OPRM1: variants seen among roughly 807,000 people sequenced by gnomAD.
The protein encoded by OPRM1 is opioid receptor mu 1, also known as mu-type opioid receptor.
In OPRM1, 27 loss-of-function variants were observed where a neutral mutation model predicts 31.8. That is an observed-to-expected ratio of 0.85 (90% CI 0.63 to 1.17). The LOEUF is 1.17. Ranked by LOEUF, OPRM1 falls within the 50% of genes most tolerant of loss-of-function variation. The pLI is 0.00. For synonymous variants in OPRM1, 196 were observed against 189.9 expected (o/e 1.03, Z -0.26); for missense variants, 536 against 511.1 (o/e 1.05, Z -0.47).
At chr6:154,027,704 T>C (rs867789168) in intron 1 of OPRM1, among the ~76,000 whole-genome samples, 2 of 152,198 alleles carry the variant, frequency 1.3e-5, no homozygotes, top group South Asian at 4.1e-4. Flanking sequence ...ATGCAGTCCT[T>C]CCCACTTTTC....
chr6:154,243,091 T>C (rs891932444), intron 3 of OPRM1, among the ~76,000 whole-genome samples: 2 of 152,122 alleles, frequency 1.3e-5, no homozygotes, highest in Non-Finnish European at 2.9e-5. Context: ...AAACAGCATA[T>C]GCGAAGGCTT....
At chr6:154,225,433 T>C (rs1340524905) in intron 3 of OPRM1, among the ~76,000 whole-genome samples, 4 of 152,166 alleles carry the variant, frequency 2.6e-5, no homozygotes, top group Admixed American at 1.3e-4. Flanking sequence ...AAAGTACTAA[T>C]ACATGCTACG....
intron 1 of OPRM1, among the ~76,000 whole-genome samples, chr6:154,080,341 G>A (rs945708635): frequency 2.0e-5 from 3 of 152,162 alleles, no homozygotes; most frequent in African/African-American, 4.8e-5. Flanking sequence ...TATTTCAGAC[G>A]ATTGCCATGA....
At chr6:154,156,723 GT>G (rs1434589476) in intron 3 of OPRM1, 7 of 152,176 alleles carry the variant, frequency 4.6e-5, no homozygotes, top group African/African-American at 1.7e-4. Flanking sequence ...GATTTGAGCT[GT>G]TGTGGCAAAA....
At chr6:154,037,951 T>C (rs1036248678), upstream of OPRM1, among the ~76,000 whole-genome samples, 1 of 152,150 alleles carries the variant, frequency 6.6e-6, no homozygotes, top group African/African-American at 2.4e-5. Context: ...TATAAGAGAA[T>C]TGTTACATTA....
intron 1 of OPRM1, among the ~76,000 whole-genome samples, chr6:154,058,487 A>G (rs534856548): frequency 6.6e-6 from 1 of 152,232 alleles, no homozygotes; most frequent in Non-Finnish European, 1.5e-5. Flanking sequence ...GTCAGAATGC[A>G]TCAATTATCT....
intron 3 of OPRM1, among the ~76,000 whole-genome samples, chr6:154,210,009 T>A (rs1777838993): frequency 6.6e-6 from 1 of 152,200 alleles, no homozygotes; most frequent in Admixed American, 6.5e-5. Context: ...GCTTCATGAG[T>A]ATCCCTTCAT....
chr6:154,180,185 A>C (rs1198807265), intron 3 of OPRM1, among the ~76,000 whole-genome samples: 1 of 152,086 alleles, frequency 6.6e-6, no homozygotes, highest in Non-Finnish European at 1.5e-5. Context: ...TCCCTGCTTA[A>C]AAGTGTCAGT....
intron 3 of OPRM1, among the ~76,000 whole-genome samples, chr6:154,140,060 T>A (rs1798157173): frequency 6.6e-6 from 1 of 152,104 alleles, no homozygotes; most frequent in South Asian, 2.1e-4. Flanking sequence ...CCTGAAACAT[T>A]GATATGCAAG....
chr6:154,133,014 G>A (rs555648525), downstream of OPRM1, among the ~76,000 whole-genome samples: 9 of 152,044 alleles, frequency 5.9e-5, no homozygotes, highest in South Asian at 1.0e-3. Flanking sequence ...CCAGCTACTC[G>A]GGAGGCTGAG....
At chr6:154,165,052 C>A (rs1562518725) in intron 3 of OPRM1, among the ~76,000 whole-genome samples, 1 of 152,150 alleles carries the variant, frequency 6.6e-6, no homozygotes, top group Non-Finnish European at 1.5e-5. Flanking sequence ...TTCCTTGTTT[C>A]TGCATGAAAC....
Position 154,131,887 on chromosome 6 carries a change from A to G in OPRM1, c.*13166A>G, listed in dbSNP as rs1797913524. ...TGCACAAAAAGGAATGTTAAAAAAA[A>G]ACACACAACATTGTTTTCCTTTTGA... On this transcript the variant is annotated 3_prime_UTR_variant, in exon 4 of 4. Transcript: ENST00000330432. 6.6e-6 allele frequency among the ~76,000 whole-genome samples: 1 copy of G among 151,858 alleles called. No individual in the cohort carries two copies. Among genetic ancestry groups the G allele is most frequent in the East Asian group, 1.9e-4 (1 of 5,196 alleles).
At chr6:154,109,788 CTCTCTGTGTGTGTGTG>C (rs1343380197) in intron 3 of OPRM1, among the ~76,000 whole-genome samples, 38 of 103,916 alleles carry the variant, frequency 3.7e-4, no homozygotes, top group African/African-American at 4.6e-4. Flanking sequence ...CTCTCTCTCT[CTCTCTGTGTGTGTGTG>C]TGTGTGTGTG....
intron 3 of OPRM1, among the ~76,000 whole-genome samples, chr6:154,099,671 A>ATACATATATATATACATATG (rs1794182205): frequency 1.3e-5 from 2 of 150,268 alleles, no homozygotes; most frequent in South Asian, 4.2e-4. Flanking sequence ...ATATACATAT[A>ATACATATATATATACATATG]TACACACATA....
chr6:154,212,761 G>A (rs547006066), intron 3 of OPRM1: 24 of 1,583,268 alleles, frequency 1.5e-5, no homozygotes, highest in South Asian at 1.3e-4. Flanking sequence ...TACTTATGTC[G>A]GTACATACCA....
At chr6:154,239,818 C>A (rs1780436786) in intron 3 of OPRM1, among the ~76,000 whole-genome samples, 1 of 152,200 alleles carries the variant, frequency 6.6e-6, no homozygotes, top group South Asian at 2.1e-4. Flanking sequence ...ATTCTCTTGC[C>A]TCAGTCTCCC....
At chr6:154,144,717 C>T (rs1172704858) in intron 3 of OPRM1, among the ~76,000 whole-genome samples, 2 of 140,910 alleles carry the variant, frequency 1.4e-5, no homozygotes, top group Admixed American at 1.5e-4. Context: ...CATTGCACTC[C>T]AGCCTGAGCA....
In OPRM1 at chr6:154,128,283, G is replaced by A. The variant is rs1018641535; in HGVS notation, c.*9562G>A. Reference sequence around the variant, plus strand: ...TACCCACTTATTAAAAGAATAAAATGAAGGTGGAGTTAATTCTGACTACGG... The same window carrying A: ...TACCCACTTATTAAAAGAATAAAATAAAGGTGGAGTTAATTCTGACTACGG... On this transcript the variant is annotated 3_prime_UTR_variant, in exon 4 of 4. Coordinates refer to ENST00000330432, the MANE Select transcript of OPRM1 (RefSeq NM_000914.5). 4.6e-5 allele frequency among the ~76,000 whole-genome samples: 7 copies of A among 152,206 alleles called. 1 individual carries two copies. The highest frequency in any genetic ancestry group is 1.0e-4 in the Non-Finnish European group (7 of 68,040).
intron 3 of OPRM1, chr6:154,110,382 T>TTG (rs1442292844): frequency 6.7e-7 from 1 of 1,500,580 alleles, no homozygotes; most frequent in African/African-American, 1.4e-5. Context: ...AAAGTCATCT[T>TTG]TACTCAACTG....
Sources: allele counts gnomAD v4.1 joint callset (sites outside exome capture counted in the v4.1 genomes callset), GRCh38; gene constraint gnomAD v4.1.1; transcripts MANE v1.5; gene names NCBI Gene and HGNC (gene_info 2026-07-23, HGNC 2026-07-21).